The following SNAPC4 variants were observed in gnomAD, a reference collection of about 807,000 sequenced individuals.
SNAPC4 encodes the protein snRNA-activating protein complex subunit 4.
In SNAPC4, 127 loss-of-function variants were observed where a neutral mutation model predicts 151.3. The ratio of observed to expected loss-of-function variants is 0.84; its 90% CI spans 0.73 to 0.97. The LOEUF (loss-of-function observed/expected upper bound fraction) is 0.97. SNAPC4 is among the 50% of genes least tolerant of loss of function. The probability of loss-of-function intolerance (pLI) is 0.00; values close to 1 mark genes in which losing one functional copy is unlikely to be tolerated. For missense variants in SNAPC4, 2,186 were observed against 1,935.0 expected (o/e 1.13, Z -2.43); for synonymous variants, 1,002 against 824.4 (o/e 1.22, Z -3.69).
In SNAPC4 at chr9:136,387,808, G is replaced by T. The variant is rs971371370; in HGVS notation, c.1164C>A (p.Ile388=). 1 of 1,612,526 alleles carries T rather than the reference G, an allele frequency of 6.2e-7. No individual in the cohort carries two copies. Among genetic ancestry groups the T allele is most frequent in the South Asian group, 1.1e-5 (1 of 91,062 alleles). The change falls in exon 12 of 24, where the codon ATC becomes ATA. Residue 388 remains isoleucine, a synonymous_variant. Coordinates refer to ENST00000684778, the MANE Select transcript of SNAPC4 (RefSeq NM_003086.4). ...YMEGRDSMQL[I]YRWTKSLDPG... ...GATCCAAGCTCTTGGTCCATCGGTA[G>T]ATCAGCTGCATGGAGTCTCTCCCTT...
In SNAPC4 at chr9:136,383,541, TCGC is replaced by T. The variant is rs1244764272; in HGVS notation, c.1625_1627del (p.Ser542_Glu543delinsLys). 4 of 1,590,042 alleles carry T rather than the reference TCGC, an allele frequency of 2.5e-6. No homozygotes were observed. The highest frequency in any genetic ancestry group is 2.6e-6 in the Non-Finnish European group (3 of 1,169,638). On this transcript the variant is annotated inframe_deletion, in exon 16 of 24. Coordinates refer to ENST00000684778, the MANE Select transcript of SNAPC4 (RefSeq NM_003086.4). The surrounding 1 kb of genome is among the most constrained non-coding windows in gnomAD (Gnocchi z 4.2). The stretch of plus-strand genomic sequence containing the variant: ...CTGCGCCTGCTCTGGCTCGTCCTCC[TCGC>T]TGCTGCTGCTGCTGCTGCTGCTGCT...
intron 6 of SNAPC4, 64 bp downstream of exon 6, chr9:136,394,735 GA>G: frequency 3.5e-6 from 5 of 1,423,070 alleles, no homozygotes; most frequent in Non-Finnish European, 3.0e-6. Flanking sequence ...AGAAACTGGG[GA>G]AAGGAGGGCC....
chr9:136,388,958 G>A (rs1833980618), intron 10 of SNAPC4, among the ~76,000 whole-genome samples: 1 of 152,250 alleles, frequency 6.6e-6, no homozygotes, highest in Non-Finnish European at 1.5e-5. Context: ...CATGTGGCAT[G>A]CTCTCTAAAT....
chr9:136,379,363 C>A lies in SNAPC4; in HGVS notation c.2528-64G>T. ...CATCTGGCCCAGGGACAGCCCCTCG[C>A]TGCCATCCCCTCATCAGGAGGGACC... is the stretch of plus-strand genomic sequence containing the variant. On this transcript the variant is annotated intron_variant, in intron 21 of 23. Transcript: ENST00000684778. 3 of 1,595,100 alleles carry A rather than the reference C, an allele frequency of 1.9e-6. No homozygotes were observed. In the South Asian group the frequency reaches 3.4e-5, roughly 18 times the overall value.
rs772413744 is a variant in SNAPC4 at position 136,378,475 on chromosome 9, C to T, written c.3352G>A (p.Glu1118Lys). The change falls in exon 22 of 24, where the codon GAG becomes AAG. Residue 1118 changes from glutamate to lysine, a missense_variant. By Grantham distance (56) the Glu-to-Lys change is moderately conservative. Transcript: ENST00000684778. ...LLATLLPPLT[E>K]TRAAQGPRAP... ...CTGGGGCCCTGGGCCGCCCGAGTCT[C>T]AGTCAGGGGAGGCAGCAGAGTGGCC... 6 of 1,589,780 alleles carry T rather than the reference C, an allele frequency of 3.8e-6. No individual in the cohort carries two copies. The highest frequency in any genetic ancestry group is 2.2e-5 in the South Asian group (2 of 89,754).
chr9:136,382,410 C>T lies in SNAPC4; in HGVS notation c.1984-74G>A, dbSNP rs573529237. ...ATGGGGGCCCTCCCCTCGCTGCCCA[C>T]ACACGACTGCCTCTTCACCCAGGCT... On this transcript the variant is annotated intron_variant, in intron 16 of 23. Transcript: ENST00000684778. 230 of 1,235,792 alleles carry T rather than the reference C, an allele frequency of 1.9e-4. 1 individual carries two copies. The East Asian group carries it at 5.5e-3, about 30-fold the overall frequency. 76.6% of individuals were successfully genotyped at this position (1,235,792 alleles called of 1,614,324 possible). A position where few individuals can be genotyped will look rare whatever the true frequency, so the allele number is the denominator to read the frequency against.
chr9:136,389,694 G>C (rs1053901189), intron 10 of SNAPC4, among the ~76,000 whole-genome samples: 3 of 152,176 alleles, frequency 2.0e-5, no homozygotes, highest in Non-Finnish European at 4.4e-5. Context: ...TGGAAAGAGA[G>C]ACCCTTCTCA....
At chr9:136,376,505 G>A (rs749684098) in intron 22 of SNAPC4, 24 bp from the exon 23 acceptor site, 3 of 1,611,824 alleles carry the variant, frequency 1.9e-6, no homozygotes, top group Non-Finnish European at 8.5e-7. Flanking sequence ...CAGGCAGTGG[G>A]GACAAGAGTG....
chr9:136,385,469 G>C (rs531265378), intron 13 of SNAPC4, among the ~76,000 whole-genome samples: 1 of 152,198 alleles, frequency 6.6e-6, no homozygotes, highest in Non-Finnish European at 1.5e-5. Flanking sequence ...GTAAAAAAGT[G>C]CAAGCAAATG....
intron 11 of SNAPC4, 136 bp downstream of exon 11, chr9:136,388,308 G>A (rs532190635): frequency 1.7e-5 from 12 of 718,940 alleles, no homozygotes; most frequent in Admixed American, 6.6e-5. Context: ...ACCAAGAAGC[G>A]AACTGTGGAA....
chr9:136,391,221 C>G (rs1038191829), intron 10 of SNAPC4, among the ~76,000 whole-genome samples: 2 of 152,150 alleles, frequency 1.3e-5, no homozygotes, highest in African/African-American at 4.8e-5. Context: ...TTCTTAAAAA[C>G]AGTTTTGGCA....
At chr9:136,377,253 C>T (rs1833481384) in intron 22 of SNAPC4, among the ~76,000 whole-genome samples, 2 of 152,198 alleles carry the variant, frequency 1.3e-5, no homozygotes, top group Non-Finnish European at 2.9e-5. Context: ...CAGAGCTTCT[C>T]GCTCAGACAA....
In SNAPC4 at chr9:136,376,360, A is replaced by G; in HGVS notation, c.4406T>C (p.Val1469Ala). 6.2e-7 allele frequency: 1 copy of G among 1,613,078 alleles called. No individual in the cohort carries two copies. The highest frequency in any genetic ancestry group is 1.1e-5 in the South Asian group (1 of 91,086). The change falls in exon 23 of 24, where the codon GTG becomes GCG. Residue 1469 changes from valine (V) to alanine (A), a missense_variant. By Grantham distance (64) the Val-to-Ala change is moderately conservative. Coordinates refer to ENST00000684778, the MANE Select transcript of SNAPC4 (RefSeq NM_003086.4). ...CACTCAGGACTCACCTGCTGCTCAC[A>G]CCAGCCGCCTCCGCTTCCGGGTGTG... is the stretch of plus-strand genomic sequence containing the variant. ...ARHTRKRRRLV is the reference protein window; with the variant it reads ...ARHTRKRRRLA
At chr9:136,384,690 A>C (rs1833828185) in intron 14 of SNAPC4, 30 bp downstream of exon 14, 2 of 1,129,886 alleles carry the variant, frequency 1.8e-6, no homozygotes, top group East Asian at 4.8e-5. Flanking sequence ...AAAAAAAAGA[A>C]ACTAGAAGAA....
rs145667127 is a variant in SNAPC4 at position 136,377,750 on chromosome 9, C to T, written c.4077G>A (p.Pro1359=). 39 of 1,610,496 alleles carry T rather than the reference C, an allele frequency of 2.4e-5. No individual in the cohort carries two copies. Among genetic ancestry groups the T allele is most frequent in the East Asian group, 8.9e-5 (4 of 44,800 alleles). The part of the protein sequence containing the change: ...GLVRGQLQDN[P]AYLLLRARFL... The stretch of plus-strand genomic sequence containing the variant: ...ACCGCGCCCGCAACAGGAGGTAGGC[C>T]GGGTTGTCCTGGAGCTGCCCCCGCA... The change falls in exon 22 of 24, where the codon CCG becomes CCA. Residue 1359 remains proline, a synonymous_variant. Transcript: ENST00000684778.
Position 136,392,085 on chromosome 9 carries a change from C to T in SNAPC4, c.832G>A (p.Glu278Lys), listed in dbSNP as rs762445384. 5.6e-6 allele frequency: 9 copies of T among 1,612,400 alleles called. No homozygotes were observed. In the Admixed American group the frequency reaches 1.3e-4, roughly 24 times the overall value. ...NINFEGSRSA[E>K]EIRKFWQNSE... ...TTCTGCCAGAACTTCCGGATCTCCT[C>T]TGCACTGCGGCTGCCTTCAAACTGC... Residue 278 changes from glutamate to lysine, a missense_variant, in exon 10 of 24, where the codon GAG (glutamate) becomes AAG (lysine). Physicochemically the swap from Glu to Lys is moderately conservative, Grantham distance 56 (BLOSUM62 1). Coordinates refer to ENST00000684778, the MANE Select transcript of SNAPC4 (RefSeq NM_003086.4).
rs1286948576 is a variant in SNAPC4 at position 136,383,813 on chromosome 9, T to C, written c.1500+140A>G. On this transcript the variant is annotated intron_variant, in intron 15 of 23. Coordinates refer to ENST00000684778, the MANE Select transcript of SNAPC4 (RefSeq NM_003086.4). This position sits in a 1 kb window ranked among gnomAD's most constrained non-coding sequence, Gnocchi z 4.2. ...GCCGCTGCCGAGGCAGGGTCTCCCT[T>C]TGCCCTTGGCCACCCAGAAGAAGAA... The C allele has an allele frequency of 6.6e-6, 9 of 1,360,096 alleles. No individual in the cohort carries two copies. The highest frequency in any genetic ancestry group is 1.9e-5 in the Admixed American group (1 of 51,772). The allele number at this position is 1,360,096 out of a possible 1,614,324, so 84.3% of individuals were successfully genotyped here.
chr9:136,376,228 C>T, intron 23 of SNAPC4, 121 bp downstream of exon 23: 1 of 1,242,400 alleles, frequency 8.0e-7, no homozygotes, highest in Non-Finnish European at 1.1e-6. Context: ...GACCTGCCCA[C>T]CTAACCCAGC....
At position 136,383,788 on chromosome 9, in the gene SNAPC4, G is replaced by T; in HGVS notation, c.1501-120C>A. 1 of 1,404,566 alleles carries T rather than the reference G, an allele frequency of 7.1e-7. No homozygotes were observed. The highest frequency in any genetic ancestry group is 1.4e-5 in the African/African-American group (1 of 70,256). The allele number at this position is 1,404,566 out of a possible 1,614,324, so 87.0% of individuals were successfully genotyped here. On this transcript the variant is annotated intron_variant, in intron 15 of 23. Coordinates refer to ENST00000684778, the MANE Select transcript of SNAPC4 (RefSeq NM_003086.4). This position sits in a 1 kb window ranked among gnomAD's most constrained non-coding sequence, Gnocchi z 4.2. The stretch of plus-strand genomic sequence containing the variant: ...GGGGGCGCCTCCGGGGTCAAGAGCA[G>T]CCGCTGCCGAGGCAGGGTCTCCCTT...
Sources: gnomAD v4.1 joint callset for allele counts (sites outside exome capture counted in the v4.1 genomes callset) on GRCh38, gnomAD v4.1.1 for gene constraint, Gnocchi (gnomAD v3.1) non-coding constraint, MANE v1.5 for transcripts, NCBI Gene and HGNC (gene_info 2026-07-23, HGNC 2026-07-21) for gene names.